ZBTB20: variants seen among roughly 807,000 people sequenced by gnomAD.
ZBTB20 encodes zinc finger and BTB domain-containing protein 20.
ZBTB20 carries 9 observed loss-of-function variants against 56.9 expected under a neutral mutation model. That is an observed-to-expected ratio of 0.16 (90% CI 0.10 to 0.28). The LOEUF (loss-of-function observed/expected upper bound fraction) is 0.28, where lower values mean the gene tolerates loss of function less well. ZBTB20 is among the 10% of genes least tolerant of loss of function. The pLI is 1.00. For synonymous variants in ZBTB20, 417 were observed against 420.7 expected (o/e 0.99, Z 0.11); for missense variants, 655 against 1,003.0 (o/e 0.65, Z 4.69).
At chr3:114,513,721 G>T (rs1405664838) in intron 6 of ZBTB20, among the ~76,000 whole-genome samples, 1 of 152,114 alleles carries the variant, frequency 6.6e-6, no homozygotes, top group African/African-American at 2.4e-5. Context: ...CCTAAAAGCA[G>T]TCTAAGGGAA....
At chr3:114,591,976 A>G (rs1199529484) in intron 6 of ZBTB20, among the ~76,000 whole-genome samples, 1 of 152,166 alleles carries the variant, frequency 6.6e-6, no homozygotes, top group Non-Finnish European at 1.5e-5. Context: ...CTTAAAATAT[A>G]ATTTTAAATG....
chr3:114,558,162 C>CTTT (rs1395453615), intron 6 of ZBTB20, among the ~76,000 whole-genome samples: 1 of 152,008 alleles, frequency 6.6e-6, no homozygotes, highest in East Asian at 1.9e-4. Flanking sequence ...AGAATCAGGA[C>CTTT]ATTTAAACTT....
At chr3:114,796,371 T>C (rs543543193) in intron 5 of ZBTB20, among the ~76,000 whole-genome samples, 5 of 152,102 alleles carry the variant, frequency 3.3e-5, no homozygotes, top group South Asian at 4.1e-4. Flanking sequence ...TAGGTGACAA[T>C]TAACTAAGAA....
At chr3:114,977,734 G>A (rs2078161619) in intron 2 of ZBTB20, among the ~76,000 whole-genome samples, 1 of 152,004 alleles carries the variant, frequency 6.6e-6, no homozygotes, top group Non-Finnish European at 1.5e-5. Context: ...ATGTGGGAAG[G>A]ACTTTTAAAG....
intron 7 of ZBTB20, among the ~76,000 whole-genome samples, chr3:114,450,009 T>C (rs1279936512): frequency 6.6e-6 from 1 of 152,202 alleles, no homozygotes; most frequent in Non-Finnish European, 1.5e-5. Flanking sequence ...AAAGGAAAGT[T>C]GAACAGTACT....
At chr3:114,515,822 A>G (rs903089727) in intron 6 of ZBTB20, among the ~76,000 whole-genome samples, 10 of 152,152 alleles carry the variant, frequency 6.6e-5, no homozygotes, top group African/African-American at 1.7e-4. Flanking sequence ...GCCTGCCAAC[A>G]TGCTTTAGCT....
intron 7 of ZBTB20, among the ~76,000 whole-genome samples, chr3:114,443,876 A>C (rs9882269): frequency 0.57 from 86,400 of 152,140 alleles, 28,436 homozygotes; most frequent in Non-Finnish European, 0.75. Flanking sequence ...AGGCCCAGTA[A>C]AATTAAGTAC....
chr3:114,472,289 T>TG (rs2040217997), intron 7 of ZBTB20, among the ~76,000 whole-genome samples: 2 of 152,192 alleles, frequency 1.3e-5, no homozygotes, highest in African/African-American at 4.8e-5. Flanking sequence ...AGTTGGAAAC[T>TG]TTCAGATTTT....
At chr3:115,016,265 T>G (rs1221635602) in intron 2 of ZBTB20, among the ~76,000 whole-genome samples, 2 of 152,008 alleles carry the variant, frequency 1.3e-5, no homozygotes, top group East Asian at 3.9e-4. Flanking sequence ...TTCTGTAGGT[T>G]GTCTGTTCAC....
intron 4 of ZBTB20, among the ~76,000 whole-genome samples, chr3:114,804,878 A>G (rs925948669): frequency 6.6e-6 from 1 of 151,906 alleles, no homozygotes; most frequent in African/African-American, 2.4e-5. Flanking sequence ...AAATAATAGT[A>G]ATTCTTTAAT....
At chr3:114,809,004 T>C (rs1324369299) in intron 4 of ZBTB20, among the ~76,000 whole-genome samples, 1 of 152,098 alleles carries the variant, frequency 6.6e-6, no homozygotes, top group Non-Finnish European at 1.5e-5. Flanking sequence ...ACTGAATACG[T>C]CATCCCTCTA....
intron 2 of ZBTB20, among the ~76,000 whole-genome samples, chr3:115,012,785 A>C (rs1278119787): frequency 3.3e-5 from 5 of 151,762 alleles, no homozygotes; most frequent in Admixed American, 1.3e-4. Flanking sequence ...CTCAGCACAT[A>C]GTTCATACTC....
At chr3:114,906,907 AC>A (rs1403131476) in intron 3 of ZBTB20, among the ~76,000 whole-genome samples, 5 of 151,820 alleles carry the variant, frequency 3.3e-5, no homozygotes, top group African/African-American at 1.2e-4. Flanking sequence ...TCAACATGAT[AC>A]AAAAACTGCC....
chr3:114,647,786 A>C (rs2059927745), intron 6 of ZBTB20, among the ~76,000 whole-genome samples: 1 of 152,184 alleles, frequency 6.6e-6, no homozygotes. Flanking sequence ...TGGGAGAGAA[A>C]AAAAAAGATA....
chr3:115,046,229 A>C (rs917059313), intron 2 of ZBTB20, among the ~76,000 whole-genome samples: 1 of 152,182 alleles, frequency 6.6e-6, no homozygotes, highest in Non-Finnish European at 1.5e-5. Flanking sequence ...GCTAAGTCAA[A>C]AATTATATTA....
chr3:114,817,582 C>T (rs2073015420), intron 4 of ZBTB20, among the ~76,000 whole-genome samples: 1 of 151,400 alleles, frequency 6.6e-6, no homozygotes, highest in African/African-American at 2.4e-5. Context: ...TATATATACA[C>T]ACATGCAGAG....
chr3:114,670,129 A>G (rs2061282006), intron 6 of ZBTB20, among the ~76,000 whole-genome samples: 1 of 152,090 alleles, frequency 6.6e-6, no homozygotes, highest in African/African-American at 2.4e-5. Context: ...GTTGACATTC[A>G]TAAGAGCATT....
intron 1 of ZBTB20, among the ~76,000 whole-genome samples, chr3:115,146,218 T>A (rs2084964043): frequency 6.6e-6 from 1 of 152,240 alleles, no homozygotes. Flanking sequence ...ATTACCGCGC[T>A]AGGTACCGTA....
intron 7 of ZBTB20, among the ~76,000 whole-genome samples, chr3:114,417,163 G>C (rs771511495): frequency 1.3e-5 from 2 of 151,958 alleles, no homozygotes; most frequent in Non-Finnish European, 2.9e-5. Context: ...CTTGTTTCTG[G>C]CCCTCGTATA....
Sources: allele counts gnomAD v4.1 joint callset (sites outside exome capture counted in the v4.1 genomes callset), GRCh38; gene constraint gnomAD v4.1.1; transcripts MANE v1.5; gene names NCBI Gene and HGNC (gene_info 2026-07-23, HGNC 2026-07-21).